Variants in AGBL3 observed in about 807,000 individuals in gnomAD.
The protein encoded by AGBL3 is cytosolic carboxypeptidase 3.
AGBL3 carries 68 observed loss-of-function variants against 94.5 expected under a neutral mutation model. The observed-to-expected ratio is 0.72, with a 90% CI of 0.59 to 0.88. The LOEUF is 0.88. Ranked by LOEUF, AGBL3 falls within the 40% of genes least tolerant of loss-of-function variation. The pLI is 0.00. For missense variants in AGBL3, 934 were observed against 1,103.8 expected, an observed-to-expected ratio of 0.85 and a Z score of 2.18; for synonymous variants, 354 against 370.7, an observed-to-expected ratio of 0.95 and a Z score of 0.52.
rs56262200 is a variant in AGBL3, at chr7:135,090,503, G to A, written c.2110+8713G>A. ...AGCTGCTCAGCTCAGCCAGGGCACC[G>A]ATCCTCCAAGGGGAAATGTACTGCT... On this transcript the variant is annotated intron_variant, in intron 15 of 16. Transcript: ENST00000436302. Among the ~76,000 whole-genome samples the A allele has an allele frequency of 5.5e-3, 834 of 152,212 alleles. 5 individuals carry two copies. The highest frequency in any genetic ancestry group is 0.019 in the African/African-American group (805 of 41,532).
chr7:135,034,368 A>G lies in AGBL3; in HGVS notation c.777A>G (p.Ile259Met). Reference protein sequence around the residue: ...AKAHHIGWQRIGDQIKYYRNN... With the variant: ...AKAHHIGWQRMGDQIKYYRNN... ...CTCATCACATTGGCTGGCAGAGAAT[A>G]GGAGACCAAATCAAGTATTATAGGA... The change falls in exon 7 of 17, where the codon ATA becomes ATG. Residue 259 changes from isoleucine to methionine, a missense_variant. Transcript: ENST00000436302. 1 of 1,551,682 alleles carries G rather than the reference A, an allele frequency of 6.4e-7. No individual in the cohort carries two copies. The highest frequency in any genetic ancestry group is 8.7e-7 in the Non-Finnish European group (1 of 1,146,966).
At chr7:134,994,646 T>C (rs1432669133) in intron 4 of AGBL3, among the ~76,000 whole-genome samples, 1 of 152,214 alleles carries the variant, frequency 6.6e-6, no homozygotes, top group Non-Finnish European at 1.5e-5. Flanking sequence ...CTACACTTAT[T>C]GCAGTGCCTA....
At chr7:135,001,082 A>G (rs1020734341) in intron 4 of AGBL3, among the ~76,000 whole-genome samples, 3 of 152,222 alleles carry the variant, frequency 2.0e-5, no homozygotes, top group Non-Finnish European at 4.4e-5. Flanking sequence ...GTGTTCCCCA[A>G]TCAGATATAA....
intron 4 of AGBL3, chr7:134,995,124 C>T (rs1810840142): frequency 6.6e-6 from 1 of 152,222 alleles, no homozygotes; most frequent in Admixed American, 6.5e-5. Context: ...CTCCTCATGA[C>T]ATATCTGTGA....
chr7:135,011,399 A>C (rs1341847993), intron 4 of AGBL3: 1 of 152,220 alleles, frequency 6.6e-6, no homozygotes, highest in Non-Finnish European at 1.5e-5. Context: ...TAAACCATAA[A>C]GAAAAAGACT....
chr7:135,100,913 C>T (rs899921469), intron 15 of AGBL3, among the ~76,000 whole-genome samples: 1 of 152,160 alleles, frequency 6.6e-6, no homozygotes, highest in African/African-American at 2.4e-5. Context: ...ATAACATTGG[C>T]CATCCTGCCT....
chr7:135,064,006 A>G (rs1329437451), intron 12 of AGBL3, among the ~76,000 whole-genome samples: 1 of 152,200 alleles, frequency 6.6e-6, no homozygotes, highest in African/African-American at 2.4e-5. Flanking sequence ...GCTAGGGCAT[A>G]TTTTGCTCAT....
chr7:135,090,928 A>G (rs183376675), intron 15 of AGBL3, among the ~76,000 whole-genome samples: 23 of 152,270 alleles, frequency 1.5e-4, no homozygotes, highest in African/African-American at 5.3e-4. Flanking sequence ...CTTCTGCTGT[A>G]GTTCCAGTTC....
At chr7:135,115,339 G>C in intron 15 of AGBL3, 41 bp from the exon 16 acceptor site, 1 of 1,272,482 alleles carries the variant, frequency 7.9e-7, no homozygotes, top group Non-Finnish European at 1.1e-6. Flanking sequence ...ATTGTGAATA[G>C]AGTTCATATC....
Position 134,993,528 on chromosome 7 carries a change from A to G in AGBL3, c.160A>G (p.Thr54Ala). The G allele has an allele frequency of 6.4e-7, 1 of 1,551,500 alleles. No individual in the cohort carries two copies. The highest frequency in any genetic ancestry group is 8.7e-7 in the Non-Finnish European group (1 of 1,146,888). ...TGGTGATCCCTTCTTCCCCCGGACT[A>G]CACAGATACTATTAGAATATCAGCT... Reference protein sequence around the residue: ...SFGDPFFPRTTQILLEYQLGR... With the variant: ...SFGDPFFPRTAQILLEYQLGR... The change falls in exon 4 of 17, where the codon ACA (threonine) becomes GCA (alanine). Residue 54 changes from threonine to alanine, a missense_variant. Coordinates refer to ENST00000436302, the MANE Select transcript of AGBL3 (RefSeq NM_178563.4).
intron 15 of AGBL3, chr7:135,093,465 A>G (rs959905824): frequency 1.6e-4 from 25 of 152,204 alleles, no homozygotes; most frequent in Non-Finnish European, 3.5e-4. Context: ...TACACTAGCA[A>G]TGAACATTTA....
intron 16 of AGBL3, among the ~76,000 whole-genome samples, chr7:135,130,634 T>C (rs1444543616): frequency 6.6e-6 from 1 of 151,982 alleles, no homozygotes; most frequent in Non-Finnish European, 1.5e-5. Flanking sequence ...ATATTATTCA[T>C]ATATTCATCC....
chr7:135,097,995 T>C (rs1410638779), intron 15 of AGBL3, among the ~76,000 whole-genome samples: 1 of 152,166 alleles, frequency 6.6e-6, no homozygotes, highest in Non-Finnish European at 1.5e-5. Flanking sequence ...TATAATGACA[T>C]TCAATGTGCT....
intron 4 of AGBL3, among the ~76,000 whole-genome samples, chr7:135,005,339 C>A (rs906907044): frequency 2.0e-5 from 3 of 151,660 alleles, no homozygotes; most frequent in African/African-American, 7.3e-5. Context: ...TAAACGCATA[C>A]CACAATATAG....
intron 15 of AGBL3, among the ~76,000 whole-genome samples, chr7:135,114,021 T>C (rs752800514): frequency 1.1e-4 from 16 of 152,236 alleles, no homozygotes; most frequent in Non-Finnish European, 1.8e-4. Flanking sequence ...TATTGTAGCA[T>C]TTGTCAGTAT....
At chr7:135,005,917 A>C (rs1259402370) in intron 4 of AGBL3, among the ~76,000 whole-genome samples, 1 of 151,860 alleles carries the variant, frequency 6.6e-6, no homozygotes, top group African/African-American at 2.4e-5. Context: ...GAAAACTTCA[A>C]CCTAAGTCTA....
chr7:135,025,362 C>CTAA lies in AGBL3; in HGVS notation c.419-7481_419-7479dup, dbSNP rs1814974850. Among the ~76,000 whole-genome samples the CTAA allele has an allele frequency of 4.0e-5, 6 of 151,602 alleles. No individual in the cohort carries two copies. The South Asian group carries it at 1.3e-3, about 32-fold the overall frequency. On this transcript the variant is annotated intron_variant, in intron 5 of 16. Transcript: ENST00000436302. ...ATCAAGAATTTCATATCCCATCAAA[C>CTAA]TAAGCTTCCACAAGTGAAGGAGAAA... is the stretch of plus-strand genomic sequence containing the variant.
chr7:135,003,499 T>C (rs1458621182), intron 4 of AGBL3, among the ~76,000 whole-genome samples: 2 of 151,978 alleles, frequency 1.3e-5, no homozygotes, highest in East Asian at 3.8e-4. Context: ...CTAGTTGTCC[T>C]AAAATAAATA....
intron 4 of AGBL3, chr7:135,011,974 A>G (rs1813213048): frequency 6.6e-6 from 1 of 152,188 alleles, no homozygotes; most frequent in African/African-American, 2.4e-5. Flanking sequence ...AGCTGTTCAT[A>G]GCACCATTTT....
Sources: allele counts gnomAD v4.1 joint callset (sites outside exome capture counted in the v4.1 genomes callset), GRCh38; gene constraint gnomAD v4.1.1; transcripts MANE v1.5; gene names NCBI Gene and HGNC (gene_info 2026-07-23, HGNC 2026-07-21).